The following ICA1 variants were observed in gnomAD, a reference collection of about 807,000 sequenced individuals.
The protein encoded by ICA1 is islet cell autoantigen 1, also known as 69 kDa islet cell autoantigen.
A neutral mutation model predicts 71.0 loss-of-function variants in ICA1; 40 were observed. That is an observed-to-expected ratio of 0.56 (90% CI 0.44 to 0.73). The LOEUF is 0.73. Among genes scored for constraint, ICA1 ranks in the 30% least tolerant of loss-of-function variants. ICA1 has a pLI of 0.00. For synonymous variants in ICA1, 207 were observed against 209.5 expected (o/e 0.99, Z 0.10); for missense variants, 578 against 576.5 (o/e 1.00, Z -0.03).
intron 12 of ICA1, among the ~76,000 whole-genome samples, chr7:8,131,907 A>G (rs1282836477): frequency 3.9e-5 from 6 of 152,298 alleles, no homozygotes; most frequent in African/African-American, 1.4e-4. Flanking sequence ...GAAACTCCCA[A>G]CTGGAGTCAG....
At chr7:8,200,524 T>A (rs990756742) in intron 6 of ICA1, among the ~76,000 whole-genome samples, 15 of 152,058 alleles carry the variant, frequency 9.9e-5, no homozygotes, top group African/African-American at 3.6e-4. Flanking sequence ...GACGCAATCA[T>A]GAAGGGCACG....
chr7:8,224,692 G>A (rs1798091550), intron 4 of ICA1, among the ~76,000 whole-genome samples: 1 of 152,036 alleles, frequency 6.6e-6, no homozygotes, highest in Non-Finnish European at 1.5e-5. Flanking sequence ...TTTTTTCATT[G>A]ACATTCTTTT....
intron 6 of ICA1, among the ~76,000 whole-genome samples, chr7:8,191,473 C>T (rs987034929): frequency 6.6e-6 from 1 of 152,168 alleles, no homozygotes; most frequent in Admixed American, 6.5e-5. Context: ...ATATTAAGCA[C>T]TGTAGTATAG....
rs1797602738 is a variant in ICA1 at position 8,223,091 on chromosome 7, C to T, written c.257-1693G>A. ...GGTTCTATGTAGCTTTTTAAAATTC[C>T]TATAATTATAAGAAGGTTTTTTGTT... On this transcript the variant is annotated intron_variant, in intron 4 of 13. Coordinates refer to ENST00000402384, the MANE Select transcript of ICA1 (RefSeq NM_001136020.3). The surrounding 1 kb of genome is among the most constrained non-coding windows in gnomAD (Gnocchi z 4.1). Among the ~76,000 whole-genome samples, 1 of 152,128 alleles carries T rather than the reference C, an allele frequency of 6.6e-6. No homozygotes were observed. Among genetic ancestry groups the T allele is most frequent in the African/African-American group, 2.4e-5 (1 of 41,426 alleles).
chr7:8,237,856 T>A (rs1011460864), intron 1 of ICA1, among the ~76,000 whole-genome samples: 1 of 139,704 alleles, frequency 7.2e-6, no homozygotes, highest in African/African-American at 3.0e-5. Flanking sequence ...ACACACACCA[T>A]TTTCTTTAAC....
chr7:8,143,839 G>A (rs781328538), intron 9 of ICA1, 36 bp downstream of exon 9: 3 of 1,347,780 alleles, frequency 2.2e-6, no homozygotes, highest in Admixed American at 3.4e-5. Flanking sequence ...TCACCTGTGG[G>A]AAGAAAGATG....
intron 8 of ICA1, among the ~76,000 whole-genome samples, chr7:8,148,741 C>T (rs1029310318): frequency 6.6e-6 from 1 of 152,008 alleles, no homozygotes; most frequent in Non-Finnish European, 1.5e-5. Flanking sequence ...AAGCTAAATA[C>T]TCTTTGATAT....
chr7:8,212,539 T>C (rs1469137028), intron 6 of ICA1, among the ~76,000 whole-genome samples: 1 of 152,186 alleles, frequency 6.6e-6, no homozygotes, highest in Non-Finnish European at 1.5e-5. Flanking sequence ...CACTCCAGCC[T>C]GGGAGACAGA....
At chr7:8,180,894 T>C (rs1030255518) in intron 6 of ICA1, among the ~76,000 whole-genome samples, 1 of 151,936 alleles carries the variant, frequency 6.6e-6, no homozygotes, top group African/African-American at 2.4e-5. Flanking sequence ...AAGTCCCTTG[T>C]TGGATACACA....
chr7:8,135,035 A>T (rs79625004), intron 12 of ICA1, among the ~76,000 whole-genome samples: 8 of 151,226 alleles, frequency 5.3e-5, no homozygotes, highest in East Asian at 1.9e-4. Flanking sequence ...AATTTTTTTT[A>T]TTTTTTTTTG....
chr7:8,255,378 A>G lies in ICA1; in HGVS notation c.-80+6716T>C, dbSNP rs181091848. The stretch of plus-strand genomic sequence containing the variant: ...CTCCTCTTCCTCTACTTTTCAGGAA[A>G]TATTCTCCACACTTTTCTATCTTTT... On this transcript the variant is annotated intron_variant, in intron 1 of 13. Transcript: ENST00000402384. 8.1e-4 allele frequency among the ~76,000 whole-genome samples: 123 copies of G among 152,266 alleles called. 1 individual carries two copies. The East Asian group carries it at 0.02, about 25-fold the overall frequency.
At chr7:8,115,629 G>C (rs1350014209) in intron 13 of ICA1, among the ~76,000 whole-genome samples, 1 of 152,184 alleles carries the variant, frequency 6.6e-6, no homozygotes, top group Admixed American at 6.5e-5. Context: ...CAACTTATTT[G>C]CATAACACTT....
intron 1 of ICA1, among the ~76,000 whole-genome samples, chr7:8,242,036 G>C (rs1281293618): frequency 1.3e-5 from 2 of 152,096 alleles, no homozygotes; most frequent in East Asian, 1.9e-4. Flanking sequence ...GGATATCCAG[G>C]ACTTGAACTC....
At chr7:8,134,203 G>A (rs1446786722) in intron 12 of ICA1, among the ~76,000 whole-genome samples, 2 of 152,140 alleles carry the variant, frequency 1.3e-5, no homozygotes, top group African/African-American at 2.4e-5. Context: ...GCCCTGTACT[G>A]CCCAAGTTTT....
intron 6 of ICA1, among the ~76,000 whole-genome samples, chr7:8,160,019 C>T (rs2128202341): frequency 6.6e-6 from 1 of 152,156 alleles, no homozygotes; most frequent in South Asian, 2.1e-4. Flanking sequence ...ACCAGGAGGG[C>T]ATGGACCATG....
intron 7 of ICA1, chr7:8,157,418 A>C (rs1375871504): frequency 7.3e-6 from 4 of 550,606 alleles, no homozygotes; most frequent in Admixed American, 7.3e-5. Flanking sequence ...GCTGCCTCCC[A>C]GAACTCATGC....
intron 1 of ICA1, among the ~76,000 whole-genome samples, chr7:8,240,748 G>A (rs138059875): frequency 0.014 from 2,131 of 152,250 alleles, 13 homozygotes; most frequent in Non-Finnish European, 0.023. Context: ...ACCATGGCAG[G>A]AGAACTACGT....
intron 6 of ICA1, among the ~76,000 whole-genome samples, chr7:8,203,213 C>A (rs1458471396): frequency 1.4e-5 from 2 of 143,236 alleles, no homozygotes; most frequent in Non-Finnish European, 3.1e-5. Context: ...AATTTCTAGG[C>A]TCTAAGCCTT....
intron 1 of ICA1, among the ~76,000 whole-genome samples, chr7:8,251,055 T>C (rs1240369594): frequency 6.6e-6 from 1 of 151,984 alleles, no homozygotes; most frequent in African/African-American, 2.4e-5. Flanking sequence ...CACTTGCCAA[T>C]AGGCCCAGCT....
Sources: allele counts gnomAD v4.1 joint callset (sites outside exome capture counted in the v4.1 genomes callset), GRCh38; gene constraint gnomAD v4.1.1; non-coding constraint Gnocchi (gnomAD v3.1); transcripts MANE v1.5; gene names NCBI Gene and HGNC (gene_info 2026-07-23, HGNC 2026-07-21).